PARD3: variants seen among roughly 807,000 people sequenced by gnomAD.
PARD3 encodes partitioning defective 3 homolog.
Under a neutral mutation model 155.4 loss-of-function variants are expected in PARD3, and 75 were observed. That is an observed-to-expected ratio of 0.48 (90% CI 0.40 to 0.58). PARD3 has a LOEUF of 0.58. Ranked by LOEUF, PARD3 falls within the 20% of genes least tolerant of loss-of-function variation. PARD3 has a pLI of 0.00. For missense variants in PARD3, 1,642 were observed against 1,721.7 expected, an observed-to-expected ratio of 0.95 and a Z score of 0.82; for synonymous variants, 576 against 610.5, an observed-to-expected ratio of 0.94 and a Z score of 0.83.
At chr10:34,579,376 G>C (rs555726486) in intron 2 of PARD3, among the ~76,000 whole-genome samples, 1 of 152,156 alleles carries the variant, frequency 6.6e-6, no homozygotes, top group South Asian at 2.1e-4. Context: ...TGCACCTCTG[G>C]CTCTGCTGTC....
At chr10:34,253,307 C>A (rs1220484094) in intron 22 of PARD3, among the ~76,000 whole-genome samples, 3 of 152,202 alleles carry the variant, frequency 2.0e-5, no homozygotes, top group Admixed American at 6.5e-5. Context: ...TCTTTAACCC[C>A]TCATGCTCCA....
At chr10:34,276,123 A>G (rs1046693444) in intron 21 of PARD3, among the ~76,000 whole-genome samples, 9 of 152,158 alleles carry the variant, frequency 5.9e-5, no homozygotes, top group Non-Finnish European at 8.8e-5. Flanking sequence ...ACTGTTTCCT[A>G]TCCTTGAAAC....
intron 22 of PARD3, among the ~76,000 whole-genome samples, chr10:34,242,793 G>A (rs1197835631): frequency 1.4e-4 from 22 of 152,192 alleles, no homozygotes; most frequent in Non-Finnish European, 4.4e-5. Context: ...AAATTAGCTG[G>A]GCGTGGTGGC....
At chr10:34,723,350 A>C (rs543253289) in intron 1 of PARD3, among the ~76,000 whole-genome samples, 2 of 152,338 alleles carry the variant, frequency 1.3e-5, no homozygotes, top group African/African-American at 4.8e-5. Flanking sequence ...CCTTTGATTT[A>C]CATGTATCCA....
At chr10:34,258,371 T>G (rs1180328082) in intron 22 of PARD3, among the ~76,000 whole-genome samples, 2 of 151,878 alleles carry the variant, frequency 1.3e-5, no homozygotes, top group Non-Finnish European at 2.9e-5. Context: ...GGCAAATTGG[T>G]AGGGCTTTGT....
At chr10:34,681,730 TTATATATATATATATATATATATA>T (rs71487904) in intron 2 of PARD3, among the ~76,000 whole-genome samples, 1 of 29,982 alleles carries the variant, frequency 3.3e-5, no homozygotes, top group Non-Finnish European at 6.6e-5. Context: ...CGTATGTATT[TTATATATATATATATATATATATA>T]TATATATATA....
At chr10:34,303,203 T>C (rs896610366) in intron 20 of PARD3, among the ~76,000 whole-genome samples, 1 of 147,126 alleles carries the variant, frequency 6.8e-6, no homozygotes, top group African/African-American at 2.7e-5. Flanking sequence ...GGTAAAACTT[T>C]ATGTGAATGT....
chr10:34,713,739 C>G (rs2094478777), intron 1 of PARD3, among the ~76,000 whole-genome samples: 1 of 152,024 alleles, frequency 6.6e-6, no homozygotes, highest in Admixed American at 6.6e-5. Context: ...GCACTCCAGC[C>G]TGGGTGACAA....
At chr10:34,241,565 A>G (rs1456732472) in intron 22 of PARD3, among the ~76,000 whole-genome samples, 1 of 152,222 alleles carries the variant, frequency 6.6e-6, no homozygotes, top group Admixed American at 6.5e-5. Context: ...TAGGCAAAAG[A>G]AGAAGGAAAC....
intron 22 of PARD3, among the ~76,000 whole-genome samples, chr10:34,160,489 T>A (rs907037454): frequency 5.9e-5 from 9 of 152,220 alleles, no homozygotes; most frequent in Non-Finnish European, 1.3e-4. Flanking sequence ...ATTACATTTT[T>A]AAAAAATGTG....
At chr10:34,468,148 A>G (rs2133051097) in intron 4 of PARD3, among the ~76,000 whole-genome samples, 1 of 152,268 alleles carries the variant, frequency 6.6e-6, no homozygotes, top group Admixed American at 6.5e-5. Flanking sequence ...CTTCACCACG[A>G]AAGCAGAGAG....
At chr10:34,134,660 C>T (rs968332397) in intron 22 of PARD3, among the ~76,000 whole-genome samples, 10 of 152,216 alleles carry the variant, frequency 6.6e-5, no homozygotes, top group African/African-American at 2.4e-4. Flanking sequence ...CTCTTTCTCT[C>T]CCAATACTCT....
chr10:34,492,449 C>A lies in PARD3; in HGVS notation c.404-22186G>T, dbSNP rs778911467. On this transcript the variant is annotated intron_variant, in intron 3 of 24. Transcript: ENST00000374788. The stretch of plus-strand genomic sequence containing the variant: ...TACCTTCTATCTTAAAAACTTCTGT[C>A]CCTAACAGCTTTTGATTTTTGGAAA... Among the ~76,000 whole-genome samples the A allele has an allele frequency of 2.0e-5, 3 of 152,166 alleles. No homozygotes were observed. The East Asian group carries it at 5.8e-4, about 29-fold the overall frequency.
At chr10:34,351,439 A>C (rs1341837947) in intron 14 of PARD3, among the ~76,000 whole-genome samples, 1 of 152,252 alleles carries the variant, frequency 6.6e-6, no homozygotes, top group Non-Finnish European at 1.5e-5. Flanking sequence ...AAAGACATTT[A>C]ACCTAGATTA....
At chr10:34,516,453 A>C (rs902190825) in intron 3 of PARD3, among the ~76,000 whole-genome samples, 1 of 152,214 alleles carries the variant, frequency 6.6e-6, no homozygotes, top group Non-Finnish European at 1.5e-5. Flanking sequence ...CCAGGGTCCT[A>C]GGATTCCTCA....
intron 1 of PARD3, among the ~76,000 whole-genome samples, chr10:34,743,648 C>T (rs2095057403): frequency 6.6e-6 from 1 of 152,204 alleles, no homozygotes; most frequent in Non-Finnish European, 1.5e-5. Context: ...CAAAGACATC[C>T]TAACTAGCCT....
intron 2 of PARD3, among the ~76,000 whole-genome samples, chr10:34,599,947 C>T (rs2089617879): frequency 1.3e-5 from 2 of 152,112 alleles, no homozygotes; most frequent in African/African-American, 4.8e-5. Context: ...TGGAACCTTT[C>T]CTCTAGGCTC....
chr10:34,417,556 G>A (rs188896763), intron 5 of PARD3, among the ~76,000 whole-genome samples: 1 of 152,222 alleles, frequency 6.6e-6, no homozygotes, highest in African/African-American at 2.4e-5. Flanking sequence ...TGATTTGAAG[G>A]TAATGGATTA....
intron 19 of PARD3, among the ~76,000 whole-genome samples, chr10:34,328,565 G>A: frequency 6.6e-6 from 1 of 152,174 alleles, no homozygotes; most frequent in Admixed American, 6.5e-5. Context: ...TGGTGGTGGG[G>A]GGAAGGTGAC....
Sources: gnomAD v4.1 joint callset for allele counts (sites outside exome capture counted in the v4.1 genomes callset) on GRCh38, gnomAD v4.1.1 for gene constraint, MANE v1.5 for transcripts, NCBI Gene and HGNC (gene_info 2026-07-23, HGNC 2026-07-21) for gene names.